STAT5B: variants seen among roughly 807,000 people sequenced by gnomAD.
The protein encoded by STAT5B is transcription factor STAT5B.
A neutral mutation model predicts 107.8 loss-of-function variants in STAT5B; 21 were observed. The ratio of observed to expected loss-of-function variants is 0.19; its 90% CI spans 0.14 to 0.28. The LOEUF (loss-of-function observed/expected upper bound fraction) is 0.28. STAT5B is among the 10% of genes least tolerant of loss of function. The probability of loss-of-function intolerance (pLI) is 1.00; values close to 1 mark genes in which losing one functional copy is unlikely to be tolerated. For synonymous variants in STAT5B, 325 were observed against 401.7 expected (o/e 0.81, Z 2.28); for missense variants, 565 against 1,008.2 (o/e 0.56, Z 5.95).
At chr17:42,267,748 CA>C (rs1269882293) in intron 1 of STAT5B, among the ~76,000 whole-genome samples, 1 of 151,950 alleles carries the variant, frequency 6.6e-6, no homozygotes, top group African/African-American at 2.4e-5. Flanking sequence ...CACCTGAGGT[CA>C]GAAGTTTGAG....
chr17:42,221,828 A>G (rs567492655), intron 5 of STAT5B, among the ~76,000 whole-genome samples: 1 of 152,322 alleles, frequency 6.6e-6, no homozygotes, highest in Admixed American at 6.5e-5. Flanking sequence ...GAGAAGATAA[A>G]GAGTAAATAA....
At chr17:42,240,833 T>C (rs543173266) in intron 1 of STAT5B, among the ~76,000 whole-genome samples, 1 of 152,296 alleles carries the variant, frequency 6.6e-6, no homozygotes, top group South Asian at 2.1e-4. Flanking sequence ...TTATATTTCA[T>C]AATTTAAAGA....
chr17:42,265,389 T>TTTTTTTTTTTTTA (rs2080660859), intron 1 of STAT5B, among the ~76,000 whole-genome samples: 2 of 149,376 alleles, frequency 1.3e-5, no homozygotes, highest in African/African-American at 5.0e-5. Context: ...TTTTTTTTTT[T>TTTTTTTTTTTTTA]GAGACGAAGT....
chr17:42,281,301 C>A (rs1044824564), upstream of STAT5B, among the ~76,000 whole-genome samples: 16 of 152,112 alleles, frequency 1.1e-4, no homozygotes, highest in Non-Finnish European at 1.5e-5. Context: ...CATTTAAATG[C>A]ACAAAAGACC....
rs1365766024 is a variant in STAT5B, at chr17:42,204,576, T to C, written c.2078-1768A>G. On this transcript the variant is annotated intron_variant, in intron 16 of 18. Coordinates refer to ENST00000293328, the MANE Select transcript of STAT5B (RefSeq NM_012448.4). Reference sequence around the variant, plus strand: ...ACAGTGTACAGAGTATTTTATAGATTGGCTAAGAAGTTAAAAACAAAGAAA... The same window carrying C: ...ACAGTGTACAGAGTATTTTATAGATCGGCTAAGAAGTTAAAAACAAAGAAA... Among the ~76,000 whole-genome samples, 5 of 152,332 alleles carry C rather than the reference T, an allele frequency of 3.3e-5. No individual in the cohort carries two copies. The East Asian group carries it at 9.6e-4, about 29-fold the overall frequency.
chr17:42,231,121 ATAAT>A (rs1012343124), intron 2 of STAT5B, among the ~76,000 whole-genome samples: 9 of 152,274 alleles, frequency 5.9e-5, no homozygotes, highest in African/African-American at 2.2e-4. Context: ...GAAATAAATT[ATAAT>A]TAAATTATAT....
intron 1 of STAT5B, among the ~76,000 whole-genome samples, chr17:42,236,210 T>C (rs2080355393): frequency 6.6e-6 from 1 of 152,218 alleles, no homozygotes; most frequent in South Asian, 2.1e-4. Flanking sequence ...CATAAGTGCT[T>C]TGATAGAGCT....
chr17:42,201,897 G>A lies in STAT5B; in HGVS notation c.2238-33C>T, dbSNP rs963340036. On this transcript the variant is annotated intron_variant, in intron 18 of 18. Coordinates refer to ENST00000293328, the MANE Select transcript of STAT5B (RefSeq NM_012448.4). ...GGGAAAGAAGAGGGATGAAGGGAAG[G>A]GGAAAGCCTGCCAGAGACCACCCCA... is the stretch of plus-strand genomic sequence containing the variant. The A allele has an allele frequency of 8.7e-6, 14 of 1,609,190 alleles. No homozygotes were observed. The Admixed American group carries it at 2.0e-4, about 23-fold the overall frequency.
chr17:42,286,270 T>C, the STAT5B span, among the ~76,000 whole-genome samples: 1 of 137,114 alleles, frequency 7.3e-6, no homozygotes, highest in East Asian at 2.1e-4. Flanking sequence ...GAAGGGGAAA[T>C]GTGCAATGAA....
intron 11 of STAT5B, 56 bp from the exon 12 acceptor site, chr17:42,216,162 TCTC>T: frequency 7.0e-7 from 1 of 1,433,668 alleles, no homozygotes; most frequent in Admixed American, 2.3e-5. Context: ...CTTCTCCTTC[TCTC>T]TTTTTTTTTT....
chr17:42,216,267 T>C (rs1451853768), intron 11 of STAT5B, among the ~76,000 whole-genome samples, 161 bp from the exon 12 acceptor site: 3 of 152,186 alleles, frequency 2.0e-5, no homozygotes, highest in Non-Finnish European at 4.4e-5. Flanking sequence ...AATATGACTT[T>C]TCATACTGGC....
intron 1 of STAT5B, among the ~76,000 whole-genome samples, chr17:42,266,328 G>A (rs1211756418): frequency 5.3e-5 from 8 of 151,586 alleles, no homozygotes; most frequent in African/African-American, 1.9e-4. Flanking sequence ...AGGACTTTGA[G>A]ACCAGCCCGG....
chr17:42,258,375 T>C (rs753177061), intron 1 of STAT5B, among the ~76,000 whole-genome samples: 2 of 152,214 alleles, frequency 1.3e-5, no homozygotes, highest in Non-Finnish European at 2.9e-5. Context: ...TGAAATCAGG[T>C]ATCCTTTAAA....
intron 4 of STAT5B, among the ~76,000 whole-genome samples, chr17:42,224,015 T>C (rs189004634): frequency 6.6e-6 from 1 of 152,180 alleles, no homozygotes; most frequent in African/African-American, 2.4e-5. Context: ...ACTCAAGATA[T>C]TCTCGTGATG....
chr17:42,214,679 G>T (rs1262229247), intron 12 of STAT5B: 2 of 958,114 alleles, frequency 2.1e-6, no homozygotes, highest in African/African-American at 3.5e-5. Context: ...TGTCCCAAAT[G>T]ATAACCCTTT....
At chr17:42,214,362 G>A in intron 12 of STAT5B, 1 of 985,352 alleles carries the variant, frequency 1.0e-6, no homozygotes, top group Non-Finnish European at 1.2e-6. Context: ...GAGGCAGACA[G>A]ACAGTTTCAA....
intron 1 of STAT5B, among the ~76,000 whole-genome samples, chr17:42,246,885 G>A (rs2080456432): frequency 6.6e-6 from 1 of 152,204 alleles, no homozygotes; most frequent in Non-Finnish European, 1.5e-5. Context: ...AATTCAAGGT[G>A]TCTAGAAAGC....
chr17:42,202,985 C>CA (rs1429591665), intron 16 of STAT5B, 177 bp from the exon 17 acceptor site: 8 of 815,812 alleles, frequency 9.8e-6, no homozygotes, highest in African/African-American at 1.7e-5. Context: ...CTCTCTCATC[C>CA]AGGCTGGAGT....
At chr17:42,262,846 A>ATG (rs1238818600) in intron 1 of STAT5B, among the ~76,000 whole-genome samples, 4 of 99,292 alleles carry the variant, frequency 4.0e-5, no homozygotes, top group African/African-American at 9.6e-5. Context: ...ACACATATAT[A>ATG]TGTATATACA....
Sources: gnomAD v4.1 joint callset for allele counts (sites outside exome capture counted in the v4.1 genomes callset) on GRCh38, gnomAD v4.1.1 for gene constraint, MANE v1.5 for transcripts, NCBI Gene and HGNC (gene_info 2026-07-23, HGNC 2026-07-21) for gene names.